Variants in EYS observed in about 807,000 individuals in gnomAD.
The protein encoded by EYS is protein eyes shut homolog.
Under a neutral mutation model 282.1 loss-of-function variants are expected in EYS, and 250 were observed. That is an observed-to-expected ratio of 0.89 (90% confidence interval 0.80 to 0.98). EYS has a LOEUF of 0.98. Ranked by LOEUF, EYS falls within the 50% of genes least tolerant of loss-of-function variation. The pLI is 0.00. For synonymous variants in EYS, 1,355 were observed against 1,282.9 expected (o/e 1.06, Z -1.20); for missense variants, 4,016 against 3,709.0 (o/e 1.08, Z -2.15).
intron 14 of EYS, among the ~76,000 whole-genome samples, chr6:64,947,769 G>C (rs574686369): frequency 1.3e-5 from 2 of 150,368 alleles, no homozygotes; most frequent in South Asian, 4.2e-4. Flanking sequence ...CAATAGTCAA[G>C]ACAACATCAG....
intron 31 of EYS, among the ~76,000 whole-genome samples, chr6:64,206,241 T>G (rs1765605245): frequency 6.6e-6 from 1 of 152,198 alleles, no homozygotes; most frequent in African/African-American, 2.4e-5. Context: ...GGTATAATTC[T>G]TCTTAAAATT....
chr6:64,133,100 A>G (rs1368270259), intron 31 of EYS, among the ~76,000 whole-genome samples: 1 of 152,096 alleles, frequency 6.6e-6, no homozygotes, highest in Non-Finnish European at 1.5e-5. Flanking sequence ...AAAATATTAT[A>G]TTAAAGTCAG....
At chr6:64,659,018 C>G (rs1402516546) in intron 22 of EYS, among the ~76,000 whole-genome samples, 4 of 152,150 alleles carry the variant, frequency 2.6e-5, no homozygotes, top group African/African-American at 9.7e-5. Context: ...TGCAAAAGAA[C>G]AGAAATTATA....
At position 64,564,268 on chromosome 6, in the gene EYS, C is replaced by CTTTTTTTTTT. The variant is rs4034161; in HGVS notation, c.5644+25945_5644+25954dup. ...TCCTCATCAACACGTATCTTTTGTC[C>CTTTTTTTTTT]TTTTTTTTTTTTTTTTTTTTTTTTT... On this transcript the variant is annotated intron_variant, in intron 26 of 42. Coordinates refer to ENST00000503581, the MANE Select transcript of EYS (RefSeq NM_001142800.2). Among the ~76,000 whole-genome samples the CTTTTTTTTTT allele has an allele frequency of 2.7e-4, 16 of 59,374 alleles. 4 individuals are homozygous for CTTTTTTTTTT. Among genetic ancestry groups the CTTTTTTTTTT allele is most frequent in the African/African-American group, 4.0e-4 (6 of 15,132 alleles). 39.0% of individuals were successfully genotyped at this position (59,374 alleles called of 152,430 possible).
chr6:63,996,650 T>C (rs1037188215), intron 34 of EYS, among the ~76,000 whole-genome samples: 3 of 152,140 alleles, frequency 2.0e-5, no homozygotes, highest in Non-Finnish European at 4.4e-5. Flanking sequence ...AGCTAGAATG[T>C]CTGGGTTTGA....
intron 22 of EYS, among the ~76,000 whole-genome samples, chr6:64,659,971 G>A (rs1036861897): frequency 2.0e-5 from 3 of 152,016 alleles, no homozygotes; most frequent in East Asian, 1.9e-4. Context: ...GATGAATATC[G>A]AGGCAAAAAT....
At chr6:65,481,609 C>T (rs887914220) in intron 5 of EYS, among the ~76,000 whole-genome samples, 2 of 152,280 alleles carry the variant, frequency 1.3e-5, no homozygotes, top group African/African-American at 4.8e-5. Context: ...AGTGCAGTGG[C>T]GCGATCTCGG....
At chr6:64,895,583 A>T (rs984389467) in intron 18 of EYS, among the ~76,000 whole-genome samples, 1 of 152,218 alleles carries the variant, frequency 6.6e-6, no homozygotes, top group East Asian at 1.9e-4. Context: ...GATGTATGAC[A>T]CTAGCACATG....
chr6:64,944,995 C>T (rs535805119), intron 15 of EYS, among the ~76,000 whole-genome samples: 2 of 151,992 alleles, frequency 1.3e-5, no homozygotes, highest in African/African-American at 2.4e-5. Context: ...TCACCCTGCC[C>T]TCCTACTACA....
At chr6:65,408,920 A>T (rs1295052142) in intron 5 of EYS, among the ~76,000 whole-genome samples, 4 of 151,856 alleles carry the variant, frequency 2.6e-5, no homozygotes, top group African/African-American at 7.3e-5. Flanking sequence ...ACATTTCATA[A>T]TTTTTCATAT....
intron 23 of EYS, among the ~76,000 whole-genome samples, chr6:64,618,682 T>C (rs1767350060): frequency 6.6e-6 from 1 of 152,188 alleles, no homozygotes; most frequent in South Asian, 2.1e-4. Context: ...CTAAAAGACA[T>C]GGCAATGTCC....
At chr6:65,228,650 T>A (rs1766691024) in intron 12 of EYS, among the ~76,000 whole-genome samples, 1 of 152,006 alleles carries the variant, frequency 6.6e-6, no homozygotes, top group African/African-American at 2.4e-5. Context: ...CCAGTGAAAA[T>A]CCTAGCAGGT....
intron 35 of EYS, among the ~76,000 whole-genome samples, chr6:63,978,023 T>C (rs1304387180): frequency 6.6e-6 from 1 of 151,922 alleles, no homozygotes; most frequent in Non-Finnish European, 1.5e-5. Context: ...TATGTGAACA[T>C]ACATAGAAGG....
intron 26 of EYS, among the ~76,000 whole-genome samples, chr6:64,475,537 C>T (rs1314213623): frequency 1.9e-5 from 1 of 53,042 alleles, no homozygotes. Flanking sequence ...GGCGACAGAG[C>T]GAGACTCCGT....
chr6:64,514,128 T>A (rs1286411788), intron 26 of EYS, among the ~76,000 whole-genome samples: 1 of 151,732 alleles, frequency 6.6e-6, no homozygotes, highest in Non-Finnish European at 1.5e-5. Context: ...TGAGAATGGC[T>A]CATTGTCTGA....
intron 11 of EYS, among the ~76,000 whole-genome samples, chr6:65,300,216 C>A (rs1768779741): frequency 1.3e-5 from 2 of 152,090 alleles, no homozygotes; most frequent in Non-Finnish European, 2.9e-5. Flanking sequence ...ATGGGTAGAT[C>A]CACAGGCTCA....
chr6:64,571,306 A>G (rs114925407), intron 26 of EYS, among the ~76,000 whole-genome samples: 4,651 of 152,318 alleles, frequency 0.031, 155 homozygotes, highest in East Asian at 0.11. Context: ...ATACCACTAA[A>G]TGGCCACAGG....
chr6:64,011,540 TA>T (rs746472765), intron 33 of EYS, among the ~76,000 whole-genome samples: 73 of 151,698 alleles, frequency 4.8e-4, no homozygotes, highest in Middle Eastern at 3.4e-3. Flanking sequence ...ATCTGTCTCA[TA>T]TTTTTTTTTC....
intron 2 of EYS, among the ~76,000 whole-genome samples, chr6:65,599,747 C>A (rs1435444269): frequency 6.6e-6 from 1 of 151,902 alleles, no homozygotes; most frequent in Non-Finnish European, 1.5e-5. Context: ...TCCCAGACAC[C>A]TTTCCTTCTT....
Sources: gnomAD v4.1 joint callset for allele counts (sites outside exome capture counted in the v4.1 genomes callset) on GRCh38, gnomAD v4.1.1 for gene constraint, MANE v1.5 for transcripts, NCBI Gene and HGNC (gene_info 2026-07-23, HGNC 2026-07-21) for gene names.